BABAM2: variants seen among roughly 807,000 people sequenced by gnomAD.
BABAM2 encodes BRISC and BRCA1-A complex member 2.
Under a neutral mutation model 54.7 loss-of-function variants are expected in BABAM2, and 31 were observed. The ratio of observed to expected loss-of-function variants is 0.57; its 90% CI spans 0.43 to 0.77. The LOEUF is 0.77. Ranked by LOEUF, BABAM2 falls within the 30% of genes least tolerant of loss-of-function variation. BABAM2 has a pLI of 0.00. For missense variants in BABAM2, 364 were observed against 455.8 expected (o/e 0.80, Z 1.83); for synonymous variants, 167 against 162.9 (o/e 1.03, Z -0.19).
At chr2:27,968,329 C>T (rs928467493) in intron 3 of BABAM2, among the ~76,000 whole-genome samples, 4 of 152,224 alleles carry the variant, frequency 2.6e-5, no homozygotes, top group African/African-American at 9.6e-5. Flanking sequence ...CGAGCCTTGG[C>T]AGCTTCCATG....
At chr2:28,176,588 A>AAAAAAC (rs1674994032) in intron 7 of BABAM2, among the ~76,000 whole-genome samples, 1 of 144,998 alleles carries the variant, frequency 6.9e-6, no homozygotes, top group African/African-American at 2.5e-5. Context: ...AAAAAAAAAA[A>AAAAAAC]AAAAAAAACC....
chr2:28,255,697 A>T (rs939698230), intron 10 of BABAM2, among the ~76,000 whole-genome samples: 5 of 150,036 alleles, frequency 3.3e-5, no homozygotes, highest in Non-Finnish European at 7.4e-5. Flanking sequence ...ACATGGTCTC[A>T]CTCGCTCACC....
chr2:28,295,944 C>T (rs1687657302), intron 10 of BABAM2, among the ~76,000 whole-genome samples: 1 of 152,140 alleles, frequency 6.6e-6, no homozygotes, highest in African/African-American at 2.4e-5. Context: ...TTGATCTCTA[C>T]TAAAAATATA....
At chr2:28,013,694 T>TACACACACACACACACACAC (rs56148921) in intron 4 of BABAM2, among the ~76,000 whole-genome samples, 82 of 106,034 alleles carry the variant, frequency 7.7e-4, no homozygotes, top group Non-Finnish European at 1.0e-3. Flanking sequence ...AAAAAGCTCT[T>TACACACACACACACACACAC]ACACACACAC....
At chr2:27,893,775 C>CATG (rs1275482179) in intron 1 of BABAM2, among the ~76,000 whole-genome samples, 3 of 152,048 alleles carry the variant, frequency 2.0e-5, no homozygotes, top group African/African-American at 7.2e-5. Flanking sequence ...GTGGGTGGAT[C>CATG]ATGACGTCAA....
At chr2:28,141,810 C>T (rs1301899355) in intron 7 of BABAM2, among the ~76,000 whole-genome samples, 1 of 152,082 alleles carries the variant, frequency 6.6e-6, no homozygotes, top group Admixed American at 6.5e-5. Flanking sequence ...ATTAATAAAG[C>T]ATCATTTACT....
At chr2:27,968,983 C>T (rs1671020164) in intron 3 of BABAM2, among the ~76,000 whole-genome samples, 1 of 152,028 alleles carries the variant, frequency 6.6e-6, no homozygotes, top group Non-Finnish European at 1.5e-5. Context: ...GTCTGTGTTC[C>T]CACCCAAATC....
intron 10 of BABAM2, among the ~76,000 whole-genome samples, chr2:28,283,017 AAGG>A (rs1459998011): frequency 1.7e-5 from 1 of 58,600 alleles, no homozygotes; most frequent in Non-Finnish European, 4.2e-5. Context: ...AAAAAAAAAA[AAGG>A]AATGAAAACA....
chr2:28,285,864 G>A (rs758070274), intron 10 of BABAM2, among the ~76,000 whole-genome samples: 8 of 151,716 alleles, frequency 5.3e-5, no homozygotes, highest in Admixed American at 2.0e-4. Context: ...CCACCACACC[G>A]GCTGATAAGT....
At chr2:28,313,555 G>A (rs1016007692) in intron 11 of BABAM2, among the ~76,000 whole-genome samples, 1 of 152,220 alleles carries the variant, frequency 6.6e-6, no homozygotes, top group African/African-American at 2.4e-5. Flanking sequence ...TGTGCCATGA[G>A]TGGGCAGGGC....
chr2:28,112,139 TTCTTTCTTTACC>T lies in BABAM2; in HGVS notation c.571-17129_571-17118del, dbSNP rs1558346608. ...TTTCTTTCTTTCTTTCTTTCTTTCT[TTCTTTCTTTACC>T]TCCCTCCCTCCCTCCCTCCCTCCCT... On this transcript the variant is annotated intron_variant, in intron 6 of 11. Transcript: ENST00000379624. Among the ~76,000 whole-genome samples the T allele has an allele frequency of 2.0e-3, 35 of 17,568 alleles. 1 individual carries two copies. The highest frequency in any genetic ancestry group is 2.9e-3 in the African/African-American group (12 of 4,096). The allele number at this position is 17,568 out of a possible 152,430, so 11.5% of individuals were successfully genotyped here.
chr2:28,286,785 A>G (rs961338923), intron 10 of BABAM2, among the ~76,000 whole-genome samples: 11 of 152,164 alleles, frequency 7.2e-5, no homozygotes, highest in African/African-American at 2.7e-4. Context: ...TCCTGAGAAC[A>G]GTGAGTTGAG....
chr2:28,016,872 A>G (rs1674865092), intron 4 of BABAM2, among the ~76,000 whole-genome samples: 1 of 152,250 alleles, frequency 6.6e-6, no homozygotes, highest in Non-Finnish European at 1.5e-5. Context: ...ATCAAGAACA[A>G]AATCCCAAAA....
intron 7 of BABAM2, among the ~76,000 whole-genome samples, chr2:28,208,794 G>C (rs548122560): frequency 1.0e-3 from 153 of 152,250 alleles, no homozygotes; most frequent in African/African-American, 3.6e-3. Flanking sequence ...AATCTTCCTA[G>C]GTGAGCAGGG....
At chr2:28,237,379 T>G (rs1422889710) in intron 8 of BABAM2, 78 bp downstream of exon 8, 47 of 1,299,558 alleles carry the variant, frequency 3.6e-5, no homozygotes, top group Non-Finnish European at 5.1e-5. Context: ...TCATCGTGCA[T>G]GCTCCATCCT....
chr2:28,182,446 G>A (rs137971077), intron 7 of BABAM2, among the ~76,000 whole-genome samples: 2,006 of 152,288 alleles, frequency 0.013, 29 homozygotes, highest in South Asian at 0.05. Context: ...GCTGCACAGT[G>A]CTGTGATGAA....
chr2:28,028,852 C>G (rs545853910), intron 5 of BABAM2, among the ~76,000 whole-genome samples: 89 of 152,226 alleles, frequency 5.8e-4, no homozygotes, highest in Non-Finnish European at 8.4e-4. Context: ...CTGCAACCTC[C>G]GCCTCCTGGG....
intron 11 of BABAM2, among the ~76,000 whole-genome samples, chr2:28,324,980 A>G (rs1034062851): frequency 1.3e-5 from 2 of 151,968 alleles, no homozygotes; most frequent in African/African-American, 2.4e-5. Context: ...CTTTCCTTAT[A>G]CTCATGGCTT....
At chr2:28,254,490 G>A (rs755249994) in intron 10 of BABAM2, among the ~76,000 whole-genome samples, 5 of 151,184 alleles carry the variant, frequency 3.3e-5, no homozygotes, top group Non-Finnish European at 7.4e-5. Flanking sequence ...TCTGTGGGTT[G>A]GATCTGTCCT....
Sources: allele counts gnomAD v4.1 joint callset (sites outside exome capture counted in the v4.1 genomes callset), GRCh38; gene constraint gnomAD v4.1.1; transcripts MANE v1.5; gene names NCBI Gene and HGNC (gene_info 2026-07-23, HGNC 2026-07-21).